The following ATP5F1C variants were observed in gnomAD, a reference collection of about 807,000 sequenced individuals.
ATP5F1C encodes ATP synthase F(1) complex subunit gamma, mitochondrial.
In ATP5F1C, 22 loss-of-function variants were observed where a neutral mutation model predicts 37.4. The observed-to-expected ratio is 0.59, with a 90% CI of 0.42 to 0.84. The LOEUF is 0.84. ATP5F1C is among the 40% of genes least tolerant of loss of function. The pLI, the probability that ATP5F1C is intolerant of heterozygous loss-of-function variation, is 0.00. For synonymous variants in ATP5F1C, 121 were observed against 128.0 expected (o/e 0.95, Z 0.37); for missense variants, 286 against 362.4 (o/e 0.79, Z 1.71).
In ATP5F1C at chr10:7,788,230, C is replaced by T. The variant is rs368871208; in HGVS notation, c.23C>T (p.Ala8Val). 6.2e-6 allele frequency: 10 copies of T among 1,613,654 alleles called. No homozygotes were observed. The highest frequency in any genetic ancestry group is 8.5e-6 in the Non-Finnish European group (10 of 1,179,922). The change falls in exon 1 of 10, where the codon GCT (alanine) becomes GTT (valine). Residue 8 changes from alanine to valine, a missense_variant. Physicochemically the swap from Ala to Val is moderately conservative, Grantham distance 64. Coordinates refer to ENST00000356708, the MANE Select transcript of ATP5F1C (RefSeq NM_001001973.3). The stretch of plus-strand genomic sequence containing the variant: ...ACCATGTTCTCTCGCGCGGGTGTCG[C>T]TGGGCTGTCGGCCTGGACCTTGCAG... MFSRAGVAGLSAWTLQPQ... is the reference protein window; with the variant it reads MFSRAGVVGLSAWTLQPQ...
chr10:7,798,657 A>T (rs897540348), intron 3 of ATP5F1C, among the ~76,000 whole-genome samples: 1 of 152,134 alleles, frequency 6.6e-6, no homozygotes, highest in African/African-American at 2.4e-5. Context: ...TGGCCTCCCA[A>T]AGTGCTGGGA....
At chr10:7,806,155 A>G (rs185395779) in intron 8 of ATP5F1C, among the ~76,000 whole-genome samples, 10 of 152,344 alleles carry the variant, frequency 6.6e-5, no homozygotes, top group Admixed American at 3.9e-4. Flanking sequence ...AAACTTAGCT[A>G]TGCAGTGCCA....
chr10:7,804,953 A>G (rs1836444929), intron 8 of ATP5F1C, among the ~76,000 whole-genome samples: 1 of 152,256 alleles, frequency 6.6e-6, no homozygotes, highest in Non-Finnish European at 1.5e-5. Flanking sequence ...AGACACAACT[A>G]GAACTTTTTG....
At chr10:7,791,800 C>T (rs1281762602) in intron 1 of ATP5F1C, among the ~76,000 whole-genome samples, 2 of 152,182 alleles carry the variant, frequency 1.3e-5, no homozygotes, top group Non-Finnish European at 2.9e-5. Context: ...GTAACATAGA[C>T]GTCTTCAGAA....
In ATP5F1C at chr10:7,791,832, G is replaced by C. The variant is rs74123627; in HGVS notation, c.56+3569G>C. ...AGAATTAAATGAAAGCTAAACATGA[G>C]AGTGCTTTAAAACACATGAAATTAG... On this transcript the variant is annotated intron_variant, in intron 1 of 9. Coordinates refer to ENST00000356708, the MANE Select transcript of ATP5F1C (RefSeq NM_001001973.3). Among the ~76,000 whole-genome samples the C allele has an allele frequency of 1.4e-3, 219 of 152,320 alleles. 1 individual carries two copies. Among genetic ancestry groups the C allele is most frequent in the African/African-American group, 4.9e-3 (203 of 41,568 alleles).
chr10:7,802,800 G>A lies in ATP5F1C; in HGVS notation c.836G>A (p.Arg279His). 3.7e-6 allele frequency: 6 copies of A among 1,613,834 alleles called. No individual in the cohort carries two copies. Among genetic ancestry groups the A allele is most frequent in the East Asian group, 2.2e-5 (1 of 44,844 alleles). Residue 279 changes from arginine (R) to histidine (H), a missense_variant, in exon 8 of 10, where the codon CGC (arginine) becomes CAC (histidine). By Grantham distance (29) the Arg-to-His change is conservative (BLOSUM62 0). Transcript: ENST00000356708. ...DKLTLTFNRT[R>H]QAVITKELIE... ...TTGACATTGACATTCAACCGTACCC[G>A]CCAAGCTGTCATCACAAAAGAGTTG...
At chr10:7,805,275 C>T (rs1836452511) in intron 8 of ATP5F1C, among the ~76,000 whole-genome samples, 1 of 152,178 alleles carries the variant, frequency 6.6e-6, no homozygotes, top group Non-Finnish European at 1.5e-5. Context: ...CTGATTTGTT[C>T]TTGGATCTTA....
At chr10:7,789,856 T>A (rs1160685841) in intron 1 of ATP5F1C, among the ~76,000 whole-genome samples, 6 of 152,218 alleles carry the variant, frequency 3.9e-5, no homozygotes, top group African/African-American at 1.4e-4. Context: ...AATTTGAAGC[T>A]CTTTTAGTGA....
chr10:7,800,057 G>T lies in ATP5F1C; in HGVS notation c.603G>T (p.Lys201Asn). ...RSVISYKTEE[K>N]PIFSLNTVAS... ...TCATCTCCTATAAGACAGAAGAAAA[G>T]CCCATCTTTTCCCTTAATACCGTTG... The change falls in exon 6 of 10, where the codon AAG becomes AAT. Residue 201 changes from lysine (K) to asparagine (N), a missense_variant. By Grantham distance (94) the Lys-to-Asn change is moderately conservative. Coordinates refer to ENST00000356708, the MANE Select transcript of ATP5F1C (RefSeq NM_001001973.3). 1.9e-6 allele frequency: 3 copies of T among 1,614,004 alleles called. No individual in the cohort carries two copies. The East Asian group carries it at 6.7e-5, about 36-fold the overall frequency.
intron 8 of ATP5F1C, among the ~76,000 whole-genome samples, chr10:7,804,457 T>C (rs1361375884): frequency 6.6e-6 from 1 of 152,200 alleles, no homozygotes; most frequent in Non-Finnish European, 1.5e-5. Flanking sequence ...GGGAGTGGCA[T>C]GTGCTGCAGC....
chr10:7,802,352 C>T lies in ATP5F1C; in HGVS notation c.720C>T (p.Tyr240=). 1 of 1,614,152 alleles carries T rather than the reference C, an allele frequency of 6.2e-7. No individual in the cohort carries two copies. Among genetic ancestry groups the T allele is most frequent in the Admixed American group, 1.7e-5 (1 of 59,982 alleles). Residue 240 remains tyrosine (Y), a synonymous_variant, in exon 7 of 10, where the codon TAC becomes TAT. Coordinates refer to ENST00000356708, the MANE Select transcript of ATP5F1C (RefSeq NM_001001973.3). ...QEYNLANIIY[Y]SLKESTTSEQ... ...ACAATCTGGCCAACATCATCTACTA[C>T]TCTCTGAAGGAGTCCACCACTAGTG... is the stretch of plus-strand genomic sequence containing the variant.
chr10:7,802,570 A>G (rs767575141), intron 7 of ATP5F1C, 145 bp downstream of exon 7: 8 of 1,148,366 alleles, frequency 7.0e-6, no homozygotes, highest in African/African-American at 4.7e-5. Context: ...CTTGATAGGT[A>G]GTTGATTTGC....
chr10:7,806,314 A>C (rs145531659), intron 8 of ATP5F1C, among the ~76,000 whole-genome samples: 1 of 152,364 alleles, frequency 6.6e-6, no homozygotes, highest in East Asian at 1.9e-4. Flanking sequence ...AATTAAGAAC[A>C]TGAGTAAACC....
At chr10:7,798,959 A>T in intron 3 of ATP5F1C, 31 bp from the exon 4 acceptor site, 2 of 1,586,634 alleles carry the variant, frequency 1.3e-6, no homozygotes, top group Non-Finnish European at 1.7e-6. Context: ...TATTGCATAT[A>T]AAAAAATTAC....
intron 1 of ATP5F1C, among the ~76,000 whole-genome samples, chr10:7,795,535 T>G (rs1836224089): frequency 6.6e-6 from 1 of 152,236 alleles, no homozygotes; most frequent in Non-Finnish European, 1.5e-5. Flanking sequence ...TAAATGTAAT[T>G]TTTTATGAAC....
At position 7,807,777 on chromosome 10, in the gene ATP5F1C, T is replaced by C; in HGVS notation, c.*149T>C. On this transcript the variant is annotated 3_prime_UTR_variant, in exon 10 of 10. Coordinates refer to ENST00000356708, the MANE Select transcript of ATP5F1C (RefSeq NM_001001973.3). ...GACAGCAAGATATTTGTAAATTATC[T>C]TAAAATAAACAACTTAAAATAAAAT... The C allele has an allele frequency of 8.4e-7, 1 of 1,187,954 alleles. No individual in the cohort carries two copies. Among genetic ancestry groups the C allele is most frequent in the Non-Finnish European group, 1.2e-6 (1 of 850,810 alleles). 73.6% of individuals were successfully genotyped at this position (1,187,954 alleles called of 1,614,324 possible). A position where few individuals can be genotyped will look rare whatever the true frequency, so the allele number is the denominator to read the frequency against.
intron 7 of ATP5F1C, 141 bp downstream of exon 7, chr10:7,802,566 A>G: frequency 8.6e-7 from 1 of 1,156,548 alleles, no homozygotes; most frequent in Non-Finnish European, 1.2e-6. Flanking sequence ...ATATCTTGAT[A>G]GGTAGTTGAT....
chr10:7,799,854 C>T lies in ATP5F1C; in HGVS notation c.511C>T (p.Leu171Phe), dbSNP rs1402833727. The change falls in exon 5 of 10, where the codon CTT (leucine) becomes TTT (phenylalanine). Residue 171 changes from leucine (L) to phenylalanine (F), a missense_variant. Coordinates refer to ENST00000356708, the MANE Select transcript of ATP5F1C (RefSeq NM_001001973.3). ...TTTTGGAGATGCGTCAGTCATTGCC[C>T]TTGAATTACTAAATTCTGGATATGA... ...PTFGDASVIA[L>F]ELLNSGYEFD... The T allele has an allele frequency of 6.2e-7, 1 of 1,614,164 alleles. No homozygotes were observed. Among genetic ancestry groups the T allele is most frequent in the East Asian group, 2.2e-5 (1 of 44,884 alleles).
chr10:7,806,531 C>T (rs1354828370), intron 8 of ATP5F1C, among the ~76,000 whole-genome samples: 1 of 152,002 alleles, frequency 6.6e-6, no homozygotes, highest in Non-Finnish European at 1.5e-5. Context: ...GTGGCGGGCA[C>T]CTGTAATCCC....
Sources: allele counts gnomAD v4.1 joint callset (sites outside exome capture counted in the v4.1 genomes callset), GRCh38; gene constraint gnomAD v4.1.1; transcripts MANE v1.5; gene names NCBI Gene and HGNC (gene_info 2026-07-23, HGNC 2026-07-21).